The following GOLGA7B variants were observed in gnomAD, a reference collection of about 807,000 sequenced individuals.
GOLGA7B encodes the protein golgin subfamily A member 7B.
In GOLGA7B, 17 loss-of-function variants were observed where a neutral mutation model predicts 21.5. The observed-to-expected ratio is 0.79, with a 90% confidence interval of 0.54 to 1.19. The LOEUF is 1.19. Ranked by LOEUF, GOLGA7B falls within the 50% of genes most tolerant of loss-of-function variation. The pLI, the probability that GOLGA7B is intolerant of heterozygous loss-of-function variation, is 0.00. For synonymous variants in GOLGA7B, 87 were observed against 84.0 expected, an observed-to-expected ratio of 1.04 and a Z score of -0.19; for missense variants, 169 against 224.4, an observed-to-expected ratio of 0.75 and a Z score of 1.58.
At position 97,851,742 on chromosome 10, in the gene GOLGA7B, C is replaced by G. The variant is rs79130849; in HGVS notation, c.12+1427C>G. 2.0e-4 allele frequency among the ~76,000 whole-genome samples: 31 copies of G among 152,344 alleles called. No individual in the cohort carries two copies. The East Asian group carries it at 6.0e-3, about 29-fold the overall frequency. The stretch of plus-strand genomic sequence containing the variant: ...CAGCGTGGGCAGAGAAGGCAGCTGC[C>G]TCTGCGATGTGATCTGACAGATTCC... On this transcript the variant is annotated intron_variant, in intron 1 of 4. Coordinates refer to ENST00000370602, the MANE Select transcript of GOLGA7B (RefSeq NM_001010917.3).
intron 2 of GOLGA7B, among the ~76,000 whole-genome samples, chr10:97,862,517 A>C (rs746380336): frequency 5.9e-5 from 9 of 152,234 alleles, no homozygotes; most frequent in Non-Finnish European, 1.2e-4. Context: ...TAAGAAAATC[A>C]TAAGGAGAAG....
At chr10:97,861,249 A>AC (rs1194319303) in intron 2 of GOLGA7B, among the ~76,000 whole-genome samples, 1 of 152,242 alleles carries the variant, frequency 6.6e-6, no homozygotes, top group South Asian at 2.1e-4. Flanking sequence ...GTTAGTAAGT[A>AC]CCAGACAGGC....
intron 4 of GOLGA7B, chr10:97,865,045 C>A (rs1163995717): frequency 1.3e-5 from 2 of 152,866 alleles, no homozygotes; most frequent in Admixed American, 6.5e-5. Flanking sequence ...TTTTATTGAG[C>A]CTTTACTATG....
rs748194897 is a variant in GOLGA7B, at chr10:97,863,964, C to A, written c.173C>A (p.Thr58Asn). 2 of 1,614,052 alleles carry A rather than the reference C, an allele frequency of 1.2e-6. No homozygotes were observed. The highest frequency in any genetic ancestry group is 1.7e-6 in the Non-Finnish European group (2 of 1,179,968). ...ERQLFEETVKTLNGFYAEAEK... is the reference protein window; with the variant it reads ...ERQLFEETVKNLNGFYAEAEK... ...CAGCTCTTTGAAGAGACTGTGAAGA[C>A]CCTCAACGGATTTTACGCAGAGGCT... Residue 58 changes from threonine to asparagine, a missense_variant, in exon 3 of 5, where the codon ACC becomes AAC. By Grantham distance (65) the Thr-to-Asn change is moderately conservative. Coordinates refer to ENST00000370602, the MANE Select transcript of GOLGA7B (RefSeq NM_001010917.3).
Position 97,868,498 on chromosome 10 carries a change from G to A in GOLGA7B, c.*2798G>A, listed in dbSNP as rs539587134. 25 of 152,378 alleles carry A rather than the reference G, an allele frequency of 1.6e-4. No individual in the cohort carries two copies. Among genetic ancestry groups the A allele is most frequent in the African/African-American group, 5.5e-4 (23 of 41,572 alleles). The allele number at this position is 152,378 out of a possible 1,614,324, so 9.4% of individuals were successfully genotyped here. A position where few individuals can be genotyped will look rare whatever the true frequency, so the allele number is the denominator to read the frequency against. Reference sequence around the variant, plus strand: ...GGGCTCATCAGACTGTGGGGACAACGGCTCCAGCCTCTTAGGTGGGGGCTG... The same window carrying A: ...GGGCTCATCAGACTGTGGGGACAACAGCTCCAGCCTCTTAGGTGGGGGCTG... On this transcript the variant is annotated 3_prime_UTR_variant, in exon 5 of 5. Coordinates refer to ENST00000370602, the MANE Select transcript of GOLGA7B (RefSeq NM_001010917.3).
Position 97,860,468 on chromosome 10 carries a change from C to T in GOLGA7B, c.138+885C>T, listed in dbSNP as rs576034185. On this transcript the variant is annotated intron_variant, in intron 2 of 4. Coordinates refer to ENST00000370602, the MANE Select transcript of GOLGA7B (RefSeq NM_001010917.3). ...CCCAGCTAAGGTGATCTTCCTGCCT[C>T]GGCCTCCCAGGTAGCTGGGGTTACA... Among the ~76,000 whole-genome samples, 76 of 152,206 alleles carry T rather than the reference C, an allele frequency of 5.0e-4. 1 individual carries two copies. Among genetic ancestry groups the T allele is most frequent in the African/African-American group, 1.7e-3 (72 of 41,496 alleles).
intron 2 of GOLGA7B, among the ~76,000 whole-genome samples, chr10:97,861,726 A>G (rs74513104): frequency 0.068 from 10,368 of 152,304 alleles, 545 homozygotes; most frequent in African/African-American, 0.14. Context: ...AAGTGGGGGC[A>G]GGGATGGTCT....
chr10:97,867,170 G>C lies in GOLGA7B; in HGVS notation c.*1470G>C, dbSNP rs529462804. ...AGGGGCTGGGGCTCTTTAAGGCTTT[G>C]TAGGTGAGGTTTCCATGGACCTTCA... On this transcript the variant is annotated 3_prime_UTR_variant, in exon 5 of 5. Coordinates refer to ENST00000370602, the MANE Select transcript of GOLGA7B (RefSeq NM_001010917.3). 3 of 152,312 alleles carry C rather than the reference G, an allele frequency of 2.0e-5. No homozygotes were observed. Among genetic ancestry groups the C allele is most frequent in the African/African-American group, 7.2e-5 (3 of 41,548 alleles). 9.4% of individuals were successfully genotyped at this position (152,312 alleles called of 1,614,324 possible).
Position 97,859,577 on chromosome 10 carries a change from C to T in GOLGA7B, c.132C>T (p.Asp44=), listed in dbSNP as rs1335590904. 5.6e-6 allele frequency: 9 copies of T among 1,613,986 alleles called. No individual in the cohort carries two copies. Among genetic ancestry groups the T allele is most frequent in the Non-Finnish European group, 7.6e-6 (9 of 1,179,890 alleles). The change falls in exon 2 of 5, where the codon GAC becomes GAT. Residue 44 remains aspartate (D), a synonymous_variant. Coordinates refer to ENST00000370602, the MANE Select transcript of GOLGA7B (RefSeq NM_001010917.3). ...QFQTKFPPEL[D]SRIERQLFEE... ...AGACCAAATTCCCCCCAGAGCTGGACAGCCGGGTAAGGATGCCTTTTTCTG... is the reference window on the plus strand; with the variant it reads ...AGACCAAATTCCCCCCAGAGCTGGATAGCCGGGTAAGGATGCCTTTTTCTG...
chr10:97,865,825 G>GT lies in GOLGA7B; in HGVS notation c.*125_*126insT. 1.6e-6 allele frequency: 2 copies of GT among 1,218,024 alleles called. No individual in the cohort carries two copies. Among genetic ancestry groups the GT allele is most frequent in the Non-Finnish European group, 2.2e-6 (2 of 906,322 alleles). 75.5% of individuals were successfully genotyped at this position (1,218,024 alleles called of 1,614,324 possible). On this transcript the variant is annotated 3_prime_UTR_variant, in exon 5 of 5. Coordinates refer to ENST00000370602, the MANE Select transcript of GOLGA7B (RefSeq NM_001010917.3). ...TGGGCTCACCCTGCTGCCCGGGGTGGGAGGGAGGGTGACGGGCCTCATATT... is the reference window on the plus strand; with the variant it reads ...TGGGCTCACCCTGCTGCCCGGGGTGGTGAGGGAGGGTGACGGGCCTCATATT...
intron 1 of GOLGA7B, among the ~76,000 whole-genome samples, chr10:97,858,232 G>A (rs1301431684): frequency 1.3e-5 from 2 of 152,118 alleles, no homozygotes; most frequent in African/African-American, 2.4e-5. Context: ...TGGGTAAGAT[G>A]TTACTTCTCT....
chr10:97,864,135 A>G (rs1410685065), intron 3 of GOLGA7B, 33 bp from the exon 4 acceptor site: 7 of 1,613,866 alleles, frequency 4.3e-6, no homozygotes, highest in African/African-American at 4.0e-5. Flanking sequence ...GCCCTGTGGC[A>G]TGCTCATCCT....
chr10:97,859,857 C>T (rs2049959719), intron 2 of GOLGA7B, among the ~76,000 whole-genome samples: 1 of 152,284 alleles, frequency 6.6e-6, no homozygotes, highest in Admixed American at 6.5e-5. Context: ...ATATAGAGAG[C>T]TTGTTAAACA....
intron 1 of GOLGA7B, among the ~76,000 whole-genome samples, chr10:97,854,472 G>A (rs1358618186): frequency 6.6e-6 from 1 of 152,194 alleles, no homozygotes; most frequent in Non-Finnish European, 1.5e-5. Context: ...ACCAACTTCA[G>A]ATGAGTCTGT....
chr10:97,864,039 C>T lies in GOLGA7B; in HGVS notation c.248C>T (p.Thr83Met), dbSNP rs1007342675. The T allele has an allele frequency of 8.1e-6, 13 of 1,614,090 alleles. No homozygotes were observed. Among genetic ancestry groups the T allele is most frequent in the East Asian group, 2.2e-5 (1 of 44,896 alleles). Reference sequence around the variant, plus strand: ...CTCGAGGGCTGCCTGGCCTGCGCCACGGCCTACTTCATCTTCCTCTGCATG... The same window carrying T: ...CTCGAGGGCTGCCTGGCCTGCGCCATGGCCTACTTCATCTTCCTCTGCATG... ...SYLEGCLACA[T>M]AYFIFLCMET... Residue 83 changes from threonine to methionine, a missense_variant, in exon 3 of 5, where the codon ACG becomes ATG. Physicochemically the swap from Thr to Met is moderately conservative, Grantham distance 81. Transcript: ENST00000370602.
intron 2 of GOLGA7B, among the ~76,000 whole-genome samples, chr10:97,860,426 C>T (rs1319135683): frequency 6.6e-6 from 1 of 151,888 alleles, no homozygotes; most frequent in African/African-American, 2.4e-5. Context: ...GACCACAGCT[C>T]CCTGCAGCCT....
rs755711919 is a variant in GOLGA7B at position 97,865,596 on chromosome 10, A to C, written c.400A>C (p.Ile134Leu). ...CCTTAACCACCGACCCCAGATTGAGATCTCCATCTACGAGGACCGGTGCAG... is the reference window on the plus strand; with the variant it reads ...CCTTAACCACCGACCCCAGATTGAGCTCTCCATCTACGAGGACCGGTGCAG... ...PVERGMRVIEISIYEDRCSSG... is the reference protein window; with the variant it reads ...PVERGMRVIELSIYEDRCSSG... The change falls in exon 5 of 5, where the codon ATC (isoleucine) becomes CTC (leucine). Residue 134 changes from isoleucine (I) to leucine (L), a missense_variant. Transcript: ENST00000370602. 1.2e-6 allele frequency: 2 copies of C among 1,613,180 alleles called. No homozygotes were observed. The highest frequency in any genetic ancestry group is 2.7e-5 in the African/African-American group (2 of 74,910).
In GOLGA7B at chr10:97,858,171, C is replaced by G. The variant is rs535968764; in HGVS notation, c.13-1287C>G. Reference sequence around the variant, plus strand: ...CCTGCTACTGGTAACCCCTGGACTTCCTTTATGACTCAACACAGGCTTCAG... The same window carrying G: ...CCTGCTACTGGTAACCCCTGGACTTGCTTTATGACTCAACACAGGCTTCAG... On this transcript the variant is annotated intron_variant, in intron 1 of 4. Transcript: ENST00000370602. Among the ~76,000 whole-genome samples the G allele has an allele frequency of 1.8e-3, 276 of 152,282 alleles. 1 individual carries two copies. Among genetic ancestry groups the G allele is most frequent in the African/African-American group, 6.3e-3 (262 of 41,564 alleles).
At position 97,865,822 on chromosome 10, in the gene GOLGA7B, G is replaced by T; in HGVS notation, c.*122G>T. ...CTTTGGGCTCACCCTGCTGCCCGGGGTGGGAGGGAGGGTGACGGGCCTCAT... is the reference window on the plus strand; with the variant it reads ...CTTTGGGCTCACCCTGCTGCCCGGGTTGGGAGGGAGGGTGACGGGCCTCAT... On this transcript the variant is annotated 3_prime_UTR_variant, in exon 5 of 5. Transcript: ENST00000370602. 28 of 1,154,484 alleles carry T rather than the reference G, an allele frequency of 2.4e-5. No homozygotes were observed. Among genetic ancestry groups the T allele is most frequent in the African/African-American group, 3.1e-5 (2 of 63,900 alleles). The allele number at this position is 1,154,484 out of a possible 1,614,324, so 71.5% of individuals were successfully genotyped here.
Sources: gnomAD v4.1 joint callset for allele counts (sites outside exome capture counted in the v4.1 genomes callset) on GRCh38, gnomAD v4.1.1 for gene constraint, MANE v1.5 for transcripts, NCBI Gene and HGNC (gene_info 2026-07-23, HGNC 2026-07-21) for gene names.